The following C2CD2 variants were observed in gnomAD, a reference collection of about 807,000 sequenced individuals.
The protein encoded by C2CD2 is C2 calcium dependent domain containing 2.
In C2CD2, 43 loss-of-function variants were observed where a neutral mutation model predicts 74.3. That is an observed-to-expected ratio of 0.58 (90% CI 0.45 to 0.75). The LOEUF (loss-of-function observed/expected upper bound fraction) is 0.75. Among genes scored for constraint, C2CD2 ranks in the 30% least tolerant of loss-of-function variants. The pLI is 0.00. For synonymous variants in C2CD2, 422 were observed against 390.7 expected, an observed-to-expected ratio of 1.08 and a Z score of -0.94; for missense variants, 801 against 916.3, an observed-to-expected ratio of 0.87 and a Z score of 1.63.
rs1285739649 is a variant in C2CD2, at chr21:41,899,177, C to T, written c.1746G>A (p.Trp582Ter). The T allele has an allele frequency of 6.2e-7, 1 of 1,613,186 alleles. No individual in the cohort carries two copies. The highest frequency in any genetic ancestry group is 1.1e-5 in the South Asian group (1 of 90,988). ...PKPQEDELDS[W>*]DLEKEPQAAA... ...CGGCCTGTGGCTCCTTCTCCAAGTC[C>T]CAGGAGTCTAGCTCGTCCTCCTGGG... Residue 582 changes from tryptophan (W) to a stop codon, truncating the protein, a stop_gained, in exon 13 of 14, where the codon TGG (tryptophan) becomes TGA (stop). Coordinates refer to ENST00000380486, the MANE Select transcript of C2CD2 (RefSeq NM_015500.2). LOFTEE classifies it high-confidence loss of function. This position sits in a 1 kb window ranked among gnomAD's most constrained non-coding sequence, Gnocchi z 4.4.
intron 13 of C2CD2, chr21:41,894,610 GC>G: frequency 2.2e-6 from 1 of 455,034 alleles, no homozygotes; most frequent in Non-Finnish European, 4.4e-6. Context: ...ATGGAGCAAA[GC>G]CCCCTAATCC....
chr21:41,918,800 C>T (rs1015326623), intron 4 of C2CD2, 56 bp downstream of exon 4: 1 of 1,355,986 alleles, frequency 7.4e-7, no homozygotes, highest in African/African-American at 1.4e-5. Flanking sequence ...GCAGACTGTC[C>T]TAACACACGT....
At chr21:41,943,791 C>T (rs2065375465) in intron 1 of C2CD2, among the ~76,000 whole-genome samples, 1 of 152,228 alleles carries the variant, frequency 6.6e-6, no homozygotes, top group Non-Finnish European at 1.5e-5. Flanking sequence ...AGGCTTCTAA[C>T]CTCACCCTTT....
rs1055875441 is a variant in C2CD2, at chr21:41,914,797, T to C, written c.721-76A>G. ...GCCAAGGAAGTAGCCACTGGACTCCTGTTATGGGGGGTGGTGGCAGTGGGG... is the reference window on the plus strand; with the variant it reads ...GCCAAGGAAGTAGCCACTGGACTCCCGTTATGGGGGGTGGTGGCAGTGGGG... On this transcript the variant is annotated intron_variant, in intron 5 of 13. Transcript: ENST00000380486. 15 of 1,314,548 alleles carry C rather than the reference T, an allele frequency of 1.1e-5. No homozygotes were observed. The Admixed American group carries it at 2.0e-4, about 17-fold the overall frequency. The allele number at this position is 1,314,548 out of a possible 1,614,324, so 81.4% of individuals were successfully genotyped here. A position where few individuals can be genotyped will look rare whatever the true frequency, so the allele number is the denominator to read the frequency against.
intron 12 of C2CD2, chr21:41,901,272 A>C (rs2064892644): frequency 2.9e-6 from 1 of 347,820 alleles, no homozygotes; most frequent in Non-Finnish European, 5.4e-6. Context: ...GTGGAAAGTG[A>C]AAGTTCCCCG....
chr21:41,952,767 G>A (rs938596518), intron 1 of C2CD2, among the ~76,000 whole-genome samples: 8 of 152,184 alleles, frequency 5.3e-5, no homozygotes, highest in African/African-American at 1.4e-4. Context: ...TGCCCTCTCC[G>A]GGCCTTGGTT....
At chr21:41,918,695 C>A (rs546991540) in intron 4 of C2CD2, among the ~76,000 whole-genome samples, 161 bp downstream of exon 4, 67 of 152,298 alleles carry the variant, frequency 4.4e-4, no homozygotes, top group African/African-American at 1.5e-3. Context: ...CCAAAGGGCC[C>A]ATCCACATCC....
chr21:41,936,238 C>A (rs1420154651), intron 2 of C2CD2, among the ~76,000 whole-genome samples: 1 of 152,138 alleles, frequency 6.6e-6, no homozygotes, highest in Non-Finnish European at 1.5e-5. Flanking sequence ...ATAAACAACT[C>A]AAGTAACTCA....
At chr21:41,893,579 C>T (rs540819981) in intron 13 of C2CD2, among the ~76,000 whole-genome samples, 1 of 142,106 alleles carries the variant, frequency 7.0e-6, no homozygotes, top group South Asian at 2.3e-4. Context: ...AGACCTCTGC[C>T]CCAGGGAGCT....
intron 13 of C2CD2, among the ~76,000 whole-genome samples, chr21:41,898,338 T>C (rs1031487894): frequency 6.6e-6 from 1 of 152,188 alleles, no homozygotes; most frequent in Non-Finnish European, 1.5e-5. Context: ...TGGAGGAGGA[T>C]GCTGAGGCTC....
chr21:41,919,559 G>A (rs974478428), intron 3 of C2CD2, among the ~76,000 whole-genome samples: 9 of 152,154 alleles, frequency 5.9e-5, no homozygotes, highest in African/African-American at 1.7e-4. Context: ...GGGAGTATCC[G>A]CAAGGCATAA....
chr21:41,920,348 C>CA (rs1290389073), intron 3 of C2CD2, among the ~76,000 whole-genome samples: 14 of 152,170 alleles, frequency 9.2e-5, no homozygotes, highest in Non-Finnish European at 2.9e-5. Flanking sequence ...CCGTCCAAAG[C>CA]AAAAATCTTA....
chr21:41,886,713 G>A lies in C2CD2; in HGVS notation c.*2411C>T, dbSNP rs978693275. 6.6e-6 allele frequency: 1 copy of A among 152,060 alleles called. No individual in the cohort carries two copies. Among genetic ancestry groups the A allele is most frequent in the Non-Finnish European group, 1.5e-5 (1 of 68,024 alleles). 9.4% of individuals were successfully genotyped at this position (152,060 alleles called of 1,614,324 possible). The stretch of plus-strand genomic sequence containing the variant: ...TAATATAAAATCCTGGGGCCGGCCT[G>A]GTGGCTCATGCCTATAATCCCAGCA... On this transcript the variant is annotated 3_prime_UTR_variant, in exon 14 of 14. Transcript: ENST00000380486.
chr21:41,929,564 A>C lies in C2CD2; in HGVS notation c.379-7479T>G, dbSNP rs34441893. On this transcript the variant is annotated intron_variant, in intron 2 of 13. Transcript: ENST00000380486. The surrounding 1 kb of genome is among the most constrained non-coding windows in gnomAD (Gnocchi z 4.6). ...TGGCTTCTGAGATGGGCCTTTCCCC[A>C]GACTAGGTGGGTTATAACTTTTATT... 0.063 allele frequency among the ~76,000 whole-genome samples: 9,556 copies of C among 152,302 alleles called. 378 individuals are homozygous for C. The highest frequency in any genetic ancestry group is 0.091 in the Non-Finnish European group (6,172 of 68,010).
At chr21:41,946,538 G>T (rs908218125) in intron 1 of C2CD2, among the ~76,000 whole-genome samples, 1 of 152,150 alleles carries the variant, frequency 6.6e-6, no homozygotes, top group Non-Finnish European at 1.5e-5. Flanking sequence ...CACCAGGATT[G>T]TAAGTTTCCT....
chr21:41,940,460 T>C (rs2065345408), intron 2 of C2CD2, among the ~76,000 whole-genome samples: 1 of 152,148 alleles, frequency 6.6e-6, no homozygotes, highest in African/African-American at 2.4e-5. Flanking sequence ...CTGGCAGCAC[T>C]CTCCTCAGTC....
intron 13 of C2CD2, among the ~76,000 whole-genome samples, chr21:41,896,644 G>A (rs1040579293): frequency 3.4e-5 from 5 of 146,482 alleles, no homozygotes; most frequent in Non-Finnish European, 7.4e-5. Flanking sequence ...GAAATACACA[G>A]GCACTCTCAG....
intron 4 of C2CD2, 120 bp downstream of exon 4, chr21:41,918,736 G>A (rs1046311091): frequency 2.6e-6 from 2 of 758,172 alleles, no homozygotes; most frequent in Non-Finnish European, 4.4e-6. Context: ...CAGGAGGAGT[G>A]GCTGGGACAG....
intron 10 of C2CD2, among the ~76,000 whole-genome samples, chr21:41,906,152 T>C (rs2064959721): frequency 6.6e-6 from 1 of 152,194 alleles, no homozygotes; most frequent in African/African-American, 2.4e-5. Context: ...TTTTGAGAAA[T>C]AAAGCATACG....
Sources: gnomAD v4.1 joint callset for allele counts (sites outside exome capture counted in the v4.1 genomes callset) on GRCh38, gnomAD v4.1.1 for gene constraint, Gnocchi (gnomAD v3.1) non-coding constraint, MANE v1.5 for transcripts, NCBI Gene and HGNC (gene_info 2026-07-23, HGNC 2026-07-21) for gene names.